Variants in ZNF804B observed in about 807,000 individuals in gnomAD.
ZNF804B encodes the protein zinc finger protein 804B, also known as zinc finger 804B.
A neutral mutation model predicts 101.4 loss-of-function variants in ZNF804B; 80 were observed. The observed-to-expected ratio is 0.79, with a 90% confidence interval of 0.66 to 0.95. The LOEUF (loss-of-function observed/expected upper bound fraction) is 0.95. ZNF804B is among the 40% of genes least tolerant of loss of function. The pLI is 0.00. For missense variants in ZNF804B, 1,673 were observed against 1,561.9 expected (o/e 1.07, Z -1.20); for synonymous variants, 622 against 558.8 (o/e 1.11, Z -1.59).
At chr7:88,775,876 A>G (rs1445299100) in intron 1 of ZNF804B, among the ~76,000 whole-genome samples, 1 of 152,098 alleles carries the variant, frequency 6.6e-6, no homozygotes, top group Admixed American at 6.5e-5. Flanking sequence ...TTTGTGGTAT[A>G]GTTTATATAT....
intron 1 of ZNF804B, among the ~76,000 whole-genome samples, chr7:89,044,199 G>A (rs1789065206): frequency 6.6e-6 from 1 of 152,098 alleles, no homozygotes; most frequent in South Asian, 2.1e-4. Flanking sequence ...TTTATAAAGG[G>A]CTTTTCCCTC....
At chr7:89,271,825 C>A (rs545977082) in intron 2 of ZNF804B, among the ~76,000 whole-genome samples, 1 of 152,168 alleles carries the variant, frequency 6.6e-6, no homozygotes, top group East Asian at 1.9e-4. Flanking sequence ...GAAATTTATC[C>A]ATTTCTTCTA....
chr7:88,774,220 T>C (rs2115640473), intron 1 of ZNF804B, among the ~76,000 whole-genome samples: 1 of 145,478 alleles, frequency 6.9e-6, no homozygotes, highest in African/African-American at 2.5e-5. Context: ...TTTTTTTTTT[T>C]TAATTTTGAA....
In ZNF804B at chr7:89,336,379, G is replaced by C; in HGVS notation, c.3397G>C (p.Glu1133Gln). The part of the protein sequence containing the change: ...QKPDKVEDGL[E>Q]MCHKSISPPL... ...ACCTGACAAAGTCGAAGACGGATTA[G>C]AAATGTGTCATAAATCTATCTCTCC... Residue 1133 changes from glutamate (E) to glutamine (Q), a missense_variant, in exon 4 of 4, where the codon GAA becomes CAA. Coordinates refer to ENST00000333190, the MANE Select transcript of ZNF804B (RefSeq NM_181646.5). 3.1e-6 allele frequency: 5 copies of C among 1,614,032 alleles called. No individual in the cohort carries two copies. Among genetic ancestry groups the C allele is most frequent in the Non-Finnish European group, 4.2e-6 (5 of 1,180,002 alleles).
In ZNF804B at chr7:88,922,839, T is replaced by A. The variant is rs535989616; in HGVS notation, c.108+162755T>A. Among the ~76,000 whole-genome samples the A allele has an allele frequency of 1.0e-3, 155 of 152,176 alleles. 2 individuals carry two copies. Among genetic ancestry groups the A allele is most frequent in the Admixed American group, 0.01 (153 of 15,248 alleles). ...TTATGACTTCATTTTTTTAGTATAATGATTTCAATATATAGCCTTTCAATA... is the reference window on the plus strand; with the variant it reads ...TTATGACTTCATTTTTTTAGTATAAAGATTTCAATATATAGCCTTTCAATA... On this transcript the variant is annotated intron_variant, in intron 1 of 3. Transcript: ENST00000333190.
chr7:89,310,444 CAG>C (rs1429558251), intron 2 of ZNF804B, among the ~76,000 whole-genome samples: 1 of 152,010 alleles, frequency 6.6e-6, no homozygotes, highest in Non-Finnish European at 1.5e-5. Flanking sequence ...AATTTTACAC[CAG>C]AGTCTAATTT....
intron 1 of ZNF804B, among the ~76,000 whole-genome samples, chr7:89,059,207 T>C (rs1251264585): frequency 6.6e-6 from 1 of 152,196 alleles, no homozygotes; most frequent in Non-Finnish European, 1.5e-5. Flanking sequence ...CATGTTAGTT[T>C]CATCACATTA....
intron 1 of ZNF804B, among the ~76,000 whole-genome samples, chr7:88,967,258 T>C (rs913089206): frequency 6.6e-6 from 1 of 151,540 alleles, no homozygotes; most frequent in East Asian, 2.0e-4. Flanking sequence ...CAGGAGACTT[T>C]CATTGCAGAA....
chr7:88,860,175 G>T (rs1178112839), intron 1 of ZNF804B, among the ~76,000 whole-genome samples: 1 of 151,938 alleles, frequency 6.6e-6, no homozygotes, highest in Non-Finnish European at 1.5e-5. Flanking sequence ...AAAAGAAAAT[G>T]CTCTTGCTCA....
At chr7:88,832,169 C>T (rs945756711) in intron 1 of ZNF804B, among the ~76,000 whole-genome samples, 48 of 146,358 alleles carry the variant, frequency 3.3e-4, no homozygotes, top group Non-Finnish European at 7.6e-5. Flanking sequence ...TATTCCTGCT[C>T]AAAAAAAAAA....
intron 1 of ZNF804B, among the ~76,000 whole-genome samples, chr7:89,122,749 T>G (rs1790425005): frequency 6.6e-6 from 1 of 152,180 alleles, no homozygotes; most frequent in South Asian, 2.1e-4. Flanking sequence ...CTCCATCTTT[T>G]CTCTCTTTAC....
intron 2 of ZNF804B, among the ~76,000 whole-genome samples, chr7:89,220,047 A>ACACATATATGTGTG (rs1788971107): frequency 1.5e-4 from 6 of 38,768 alleles, no homozygotes; most frequent in Middle Eastern, 0.019. Flanking sequence ...ATATATGTGC[A>ACACATATATGTGTG]TATATACATA....
At chr7:89,055,835 C>T (rs1789283732) in intron 1 of ZNF804B, among the ~76,000 whole-genome samples, 2 of 152,026 alleles carry the variant, frequency 1.3e-5, no homozygotes, top group Non-Finnish European at 2.9e-5. Flanking sequence ...TATAATTATG[C>T]AGATTCATTT....
At chr7:89,076,353 G>A (rs1789615150) in intron 1 of ZNF804B, among the ~76,000 whole-genome samples, 1 of 151,736 alleles carries the variant, frequency 6.6e-6, no homozygotes, top group Middle Eastern at 3.4e-3. Context: ...CATAAGATCT[G>A]ATGTTTTTAA....
chr7:88,925,995 C>A (rs1049195154), intron 1 of ZNF804B, among the ~76,000 whole-genome samples: 1 of 152,054 alleles, frequency 6.6e-6, no homozygotes, highest in African/African-American at 2.4e-5. Flanking sequence ...GAGACCTGCC[C>A]ATAGACTGGA....
intron 1 of ZNF804B, among the ~76,000 whole-genome samples, chr7:88,929,572 T>C (rs565530884): frequency 1.4e-4 from 21 of 152,096 alleles, no homozygotes; most frequent in African/African-American, 5.1e-4. Context: ...ACACTTGATA[T>C]CCCAGACTTC....
At chr7:88,910,466 C>T (rs937596235) in intron 1 of ZNF804B, among the ~76,000 whole-genome samples, 6 of 151,732 alleles carry the variant, frequency 4.0e-5, no homozygotes, top group African/African-American at 7.3e-5. Flanking sequence ...TTCTATGAAC[C>T]GTTGTATTTA....
At chr7:89,163,945 G>T (rs1006620776) in intron 1 of ZNF804B, among the ~76,000 whole-genome samples, 3 of 150,484 alleles carry the variant, frequency 2.0e-5, no homozygotes, top group African/African-American at 7.4e-5. Flanking sequence ...CCACTAGATA[G>T]GTTGGCAAAT....
intron 1 of ZNF804B, among the ~76,000 whole-genome samples, chr7:88,867,204 G>T (rs1371210892): frequency 6.6e-6 from 1 of 152,062 alleles, no homozygotes; most frequent in African/African-American, 2.4e-5. Flanking sequence ...TGAGAGAGGC[G>T]ATTTTTTTAG....
Sources: allele counts gnomAD v4.1 joint callset (sites outside exome capture counted in the v4.1 genomes callset), GRCh38; gene constraint gnomAD v4.1.1; transcripts MANE v1.5; gene names NCBI Gene and HGNC (gene_info 2026-07-23, HGNC 2026-07-21).